The following CCDC7 variants were observed in gnomAD, a reference collection of about 807,000 sequenced individuals.
CCDC7 encodes coiled-coil domain-containing protein 7.
CCDC7 carries 183 observed loss-of-function variants against 196.9 expected under a neutral mutation model. The ratio of observed to expected loss-of-function variants is 0.93; its 90% confidence interval spans 0.82 to 1.05. The LOEUF is 1.05. Ranked by LOEUF, CCDC7 falls within the 50% of genes least tolerant of loss-of-function variation. The probability of loss-of-function intolerance (pLI) is 0.00; values close to 1 mark genes in which losing one functional copy is unlikely to be tolerated. For synonymous variants in CCDC7, 525 were observed against 484.6 expected, an observed-to-expected ratio of 1.08 and a Z score of -1.10; for missense variants, 1,540 against 1,482.2, an observed-to-expected ratio of 1.04 and a Z score of -0.64.
intron 28 of CCDC7, among the ~76,000 whole-genome samples, chr10:32,736,230 G>A (rs1474665030): frequency 5.3e-5 from 8 of 152,080 alleles, no homozygotes; most frequent in Non-Finnish European, 8.8e-5. Flanking sequence ...GATTGCGATT[G>A]CATTGAACTG....
At chr10:32,798,597 G>A (rs2084113613) in intron 29 of CCDC7, among the ~76,000 whole-genome samples, 1 of 152,196 alleles carries the variant, frequency 6.6e-6, no homozygotes, top group Non-Finnish European at 1.5e-5. Context: ...TTCCCCAAAT[G>A]TCTTTGTCAC....
intron 8 of CCDC7, among the ~76,000 whole-genome samples, chr10:32,488,042 G>A (rs1204592751): frequency 6.6e-6 from 1 of 152,228 alleles, no homozygotes; most frequent in Non-Finnish European, 1.5e-5. Context: ...GTCTTCAGAG[G>A]ATTCTGCTGC....
intron 8 of CCDC7, among the ~76,000 whole-genome samples, chr10:32,486,486 A>T (rs569460872): frequency 2.4e-4 from 35 of 148,560 alleles, no homozygotes; most frequent in Middle Eastern, 6.8e-3. Flanking sequence ...GGGAGCATTT[A>T]GCCCATTTAC....
chr10:32,791,656 G>A (rs1318499600), intron 29 of CCDC7, among the ~76,000 whole-genome samples: 1 of 151,222 alleles, frequency 6.6e-6, no homozygotes, highest in African/African-American at 2.4e-5. Flanking sequence ...TTTCAGATAG[G>A]TCTTTTGAAA....
intron 21 of CCDC7, among the ~76,000 whole-genome samples, chr10:32,669,220 C>T (rs918636612): frequency 6.6e-6 from 1 of 151,998 alleles, no homozygotes; most frequent in African/African-American, 2.4e-5. Context: ...TATGTTGAAC[C>T]ATCCTTGCAC....
intron 8 of CCDC7, among the ~76,000 whole-genome samples, chr10:32,484,476 A>T (rs1216038057): frequency 6.6e-6 from 1 of 152,132 alleles, no homozygotes; most frequent in Non-Finnish European, 1.5e-5. Flanking sequence ...TTCCTAATTC[A>T]ATACCCTTTA....
chr10:32,847,948 C>G, intron 38 of CCDC7, 32 bp downstream of exon 39: 1 of 1,343,054 alleles, frequency 7.4e-7, no homozygotes, highest in South Asian at 1.2e-5. Context: ...CTAATATTTA[C>G]AGTTTATCTT....
intron 13 of CCDC7, among the ~76,000 whole-genome samples, chr10:32,547,448 T>C (rs996361034): frequency 6.6e-6 from 1 of 152,116 alleles, no homozygotes; most frequent in African/African-American, 2.4e-5. Context: ...TGGCATCCCA[T>C]CACTTTGCCA....
At chr10:32,721,497 T>G (rs1413178251) in intron 25 of CCDC7, among the ~76,000 whole-genome samples, 1 of 152,110 alleles carries the variant, frequency 6.6e-6, no homozygotes, top group Non-Finnish European at 1.5e-5. Context: ...AGAACACCAC[T>G]CAAAAATGGC....
chr10:32,658,536 TC>T (rs1438264181), intron 20 of CCDC7, among the ~76,000 whole-genome samples: 2 of 152,134 alleles, frequency 1.3e-5, no homozygotes, highest in Admixed American at 6.5e-5. Flanking sequence ...GCTGGGTCCC[TC>T]CCATGACACA....
At chr10:32,699,869 T>C (rs1391522283) in intron 24 of CCDC7, among the ~76,000 whole-genome samples, 1 of 149,618 alleles carries the variant, frequency 6.7e-6, no homozygotes, top group East Asian at 1.9e-4. Context: ...GAAGTATCTG[T>C]TCATATCCTA....
intron 20 of CCDC7, among the ~76,000 whole-genome samples, chr10:32,641,437 A>G (rs1157985886): frequency 6.6e-6 from 1 of 152,142 alleles, no homozygotes; most frequent in Non-Finnish European, 1.5e-5. Context: ...CTTCTAGTTG[A>G]TCGAATCGGC....
chr10:32,710,783 AC>A (rs2080692591), intron 24 of CCDC7, among the ~76,000 whole-genome samples: 1 of 152,104 alleles, frequency 6.6e-6, no homozygotes, highest in South Asian at 2.1e-4. Flanking sequence ...TTAATTGACC[AC>A]CCTGCTCACA....
intron 18 of CCDC7, among the ~76,000 whole-genome samples, chr10:32,592,385 G>C (rs529149127): frequency 6.6e-6 from 1 of 151,736 alleles, no homozygotes; most frequent in South Asian, 2.1e-4. Context: ...TTTGGATTTA[G>C]GTTGTCCTTT....
Position 32,619,144 on chromosome 10 carries a change from A to G in CCDC7, c.1802-15110A>G, listed in dbSNP as rs189959231. Reference sequence around the variant, plus strand: ...GCCAAAGCCTTTTAGTAAAGACAGTAATCTTATTTTGATAAAAAGTATATT... The same window carrying G: ...GCCAAAGCCTTTTAGTAAAGACAGTGATCTTATTTTGATAAAAAGTATATT... On this transcript the variant is annotated intron_variant, in intron 18 of 41. Transcript: ENST00000639629. 2.5e-3 allele frequency among the ~76,000 whole-genome samples: 375 copies of G among 152,192 alleles called. 6 individuals carry two copies. The highest frequency in any genetic ancestry group is 3.2e-3 in the Non-Finnish European group (215 of 68,000).
At chr10:32,716,094 A>G (rs1039205366) in intron 25 of CCDC7, among the ~76,000 whole-genome samples, 5 of 152,212 alleles carry the variant, frequency 3.3e-5, no homozygotes, top group African/African-American at 9.6e-5. Context: ...CCCAAGACAC[A>G]TAATTATCAG....
chr10:32,734,209 A>G (rs1312855805), intron 28 of CCDC7, among the ~76,000 whole-genome samples: 1 of 152,230 alleles, frequency 6.6e-6, no homozygotes, highest in African/African-American at 2.4e-5. Flanking sequence ...TTATCTGTAT[A>G]AAGAAAATGT....
At chr10:32,503,106 T>C (rs531995676) in intron 9 of CCDC7, among the ~76,000 whole-genome samples, 2 of 152,336 alleles carry the variant, frequency 1.3e-5, no homozygotes, top group African/African-American at 4.8e-5. Flanking sequence ...AATATGATTT[T>C]ACTTATTCTT....
Position 32,747,346 on chromosome 10 carries a change from A to G in CCDC7, c.2905+17889A>G, listed in dbSNP as rs550435790. 3.3e-5 allele frequency among the ~76,000 whole-genome samples: 5 copies of G among 152,370 alleles called. No homozygotes were observed. The East Asian group carries it at 9.6e-4, about 29-fold the overall frequency. On this transcript the variant is annotated intron_variant, in intron 28 of 41. Transcript: ENST00000639629. ...ACAAAGACCCCAAAAGCATTGCAAC[A>G]GAAACAAAAATTGACAAGTGGAATC...
Sources: gnomAD v4.1 joint callset for allele counts (sites outside exome capture counted in the v4.1 genomes callset) on GRCh38, gnomAD v4.1.1 for gene constraint, MANE v1.5 for transcripts, NCBI Gene and HGNC (gene_info 2026-07-23, HGNC 2026-07-21) for gene names.